The following AHCTF1 variants were observed in gnomAD, a reference collection of about 807,000 sequenced individuals.
AHCTF1 encodes the protein AT-hook containing transcription factor 1.
AHCTF1 carries 24 observed loss-of-function variants against 248.4 expected under a neutral mutation model. The ratio of observed to expected loss-of-function variants is 0.10; its 90% CI spans 0.07 to 0.14. AHCTF1 has a LOEUF of 0.14. AHCTF1 is among the 10% of genes least tolerant of loss of function. The probability of loss-of-function intolerance (pLI) is 1.00; values close to 1 mark genes in which losing one functional copy is unlikely to be tolerated. For synonymous variants in AHCTF1, 786 were observed against 929.8 expected, an observed-to-expected ratio of 0.85 and a Z score of 2.81; for missense variants, 2,206 against 2,636.2, an observed-to-expected ratio of 0.84 and a Z score of 3.57.
chr1:246,853,367 CAGAA>C, intron 31 of AHCTF1, 68 bp from the exon 32 acceptor site: 1 of 1,348,586 alleles, frequency 7.4e-7, no homozygotes, highest in South Asian at 1.3e-5. Context: ...AGGAAGCAAA[CAGAA>C]AGGAAAAGGC....
chr1:246,854,065 C>G (rs969365929), intron 31 of AHCTF1, among the ~76,000 whole-genome samples: 1 of 152,064 alleles, frequency 6.6e-6, no homozygotes, highest in Non-Finnish European at 1.5e-5. Flanking sequence ...TTTGGGAGGC[C>G]AAGGCAGGTG....
rs1661598676 is a variant in AHCTF1 at position 246,862,092 on chromosome 1, G to C, written c.3602C>G (p.Ser1201Cys). Residue 1201 changes from serine (S) to cysteine (C), a missense_variant, in exon 28 of 36, where the codon TCC becomes TGC. Physicochemically the swap from Ser to Cys is moderately radical, Grantham distance 112. Around this residue, in one of 6 missense-constraint regions of AHCTF1, gnomAD observed 955 missense variants for 1,055.6 expected, o/e 0.90. Transcript: ENST00000648844. ...TSGFSEFTPQSILRSTLRSTP... is the reference protein window; with the variant it reads ...TSGFSEFTPQCILRSTLRSTP... ...TGATCGAAGAGTAGACCTCAGGATG[G>C]ACTGAGGAGTGAACTCAGAAAATCC... 1 of 1,611,082 alleles carries C rather than the reference G, an allele frequency of 6.2e-7. No individual in the cohort carries two copies. Among genetic ancestry groups the C allele is most frequent in the Admixed American group, 1.7e-5 (1 of 59,674 alleles).
intron 5 of AHCTF1, 147 bp downstream of exon 5, chr1:246,907,404 G>GA: frequency 1.4e-6 from 1 of 692,000 alleles, no homozygotes; most frequent in South Asian, 2.0e-5. Flanking sequence ...TTAATGCCAT[G>GA]AAAAATTAGT....
intron 1 of AHCTF1, among the ~76,000 whole-genome samples, chr1:246,925,358 T>C (rs1359306231): frequency 2.0e-5 from 3 of 152,202 alleles, no homozygotes; most frequent in Non-Finnish European, 4.4e-5. Context: ...AAATGAAATA[T>C]AGTAAATGTT....
At chr1:246,889,590 G>A (rs1376684213) in intron 17 of AHCTF1, among the ~76,000 whole-genome samples, 2 of 151,948 alleles carry the variant, frequency 1.3e-5, no homozygotes, top group Non-Finnish European at 2.9e-5. Flanking sequence ...AATTACAGCC[G>A]GCACAGATTT....
At chr1:246,847,848 C>A (rs113318350) in intron 33 of AHCTF1, among the ~76,000 whole-genome samples, 5 of 152,122 alleles carry the variant, frequency 3.3e-5, no homozygotes, top group Non-Finnish European at 7.4e-5. Flanking sequence ...TTGGTGGTTA[C>A]TATATTCCTC....
intron 33 of AHCTF1, among the ~76,000 whole-genome samples, chr1:246,848,024 TAG>T (rs534256134): frequency 1.6e-4 from 25 of 152,194 alleles, no homozygotes; most frequent in Non-Finnish European, 3.4e-4. Context: ...ATGCAAAACA[TAG>T]GTCTAACCAC....
At chr1:246,867,170 A>G in intron 26 of AHCTF1, 74 bp downstream of exon 26, 1 of 735,276 alleles carries the variant, frequency 1.4e-6, no homozygotes, top group Non-Finnish European at 2.1e-6. Context: ...ATAAAATGTT[A>G]AAGATAATTA....
chr1:246,925,478 G>A (rs192224437), intron 1 of AHCTF1, among the ~76,000 whole-genome samples: 2 of 152,300 alleles, frequency 1.3e-5, no homozygotes, highest in South Asian at 2.1e-4. Context: ...ACTGTGGCCA[G>A]ACATGATGGC....
At chr1:246,870,295 C>T (rs568390148) in intron 24 of AHCTF1, among the ~76,000 whole-genome samples, 8 of 152,130 alleles carry the variant, frequency 5.3e-5, no homozygotes, top group South Asian at 2.1e-4. Context: ...TACCCAGGCA[C>T]GGTTGCAGTC....
At chr1:246,888,560 A>G in intron 17 of AHCTF1, 43 bp from the exon 18 acceptor site, 4 of 1,599,880 alleles carry the variant, frequency 2.5e-6, no homozygotes, top group Non-Finnish European at 3.4e-6. Context: ...TATCACTGTT[A>G]ATTAATATCA....
intron 1 of AHCTF1, chr1:246,931,066 G>A (rs922546873): frequency 2.4e-5 from 37 of 1,533,836 alleles, no homozygotes; most frequent in South Asian, 6.1e-5. Flanking sequence ...CTGACCAATC[G>A]GGTGAGCTGG....
chr1:246,859,261 T>C (rs953988299), intron 29 of AHCTF1, among the ~76,000 whole-genome samples: 3 of 152,226 alleles, frequency 2.0e-5, no homozygotes, highest in African/African-American at 7.2e-5. Context: ...GCTTTAGAGT[T>C]AGGAGTTACC....
chr1:246,858,693 C>T (rs2103060195), intron 29 of AHCTF1, among the ~76,000 whole-genome samples: 1 of 151,796 alleles, frequency 6.6e-6, no homozygotes, highest in Admixed American at 6.6e-5. Flanking sequence ...GGCATGGTGG[C>T]ACGTGCCTGT....
chr1:246,894,510 T>C, intron 14 of AHCTF1, 149 bp downstream of exon 14: 2 of 658,512 alleles, frequency 3.0e-6, no homozygotes, highest in East Asian at 2.8e-5. Flanking sequence ...GCCACTGCAC[T>C]ATAGCCTGGC....
intron 5 of AHCTF1, among the ~76,000 whole-genome samples, chr1:246,905,946 C>A (rs1347018941): frequency 1.3e-5 from 2 of 152,050 alleles, no homozygotes; most frequent in Non-Finnish European, 2.9e-5. Flanking sequence ...TATTCAATGC[C>A]CAAGAGGTAG....
At chr1:246,919,141 T>C (rs890200996) in intron 1 of AHCTF1, among the ~76,000 whole-genome samples, 1 of 152,198 alleles carries the variant, frequency 6.6e-6, no homozygotes, top group African/African-American at 2.4e-5. Context: ...TGGTTAGCTA[T>C]GAAATCCAGT....
At chr1:246,855,091 A>G (rs1661019446) in intron 31 of AHCTF1, among the ~76,000 whole-genome samples, 2 of 152,366 alleles carry the variant, frequency 1.3e-5, no homozygotes, top group South Asian at 4.1e-4. Flanking sequence ...AAGGCATAAC[A>G]GTTGAGAGCA....
chr1:246,841,615 T>A (rs192812338), intron 35 of AHCTF1, among the ~76,000 whole-genome samples: 1 of 152,348 alleles, frequency 6.6e-6, no homozygotes, highest in Non-Finnish European at 1.5e-5. Flanking sequence ...GTGCTTTCTG[T>A]AAAATAATTG....
Sources: gnomAD v4.1 joint callset for allele counts (sites outside exome capture counted in the v4.1 genomes callset) on GRCh38, gnomAD v4.1.1 for gene constraint, gnomAD v4.1.1 regional missense constraint, MANE v1.5 for transcripts, NCBI Gene and HGNC (gene_info 2026-07-23, HGNC 2026-07-21) for gene names.